The following MAL2 variants were observed in gnomAD, a reference collection of about 807,000 sequenced individuals.
MAL2 encodes the protein protein MAL2.
MAL2 carries 17 observed loss-of-function variants against 18.1 expected under a neutral mutation model. That is an observed-to-expected ratio of 0.94 (90% CI 0.64 to 1.41). MAL2 has a LOEUF of 1.41. MAL2 is among the 40% of genes most tolerant of loss of function. The pLI, the probability that MAL2 is intolerant of heterozygous loss-of-function variation, is 0.00. For missense variants in MAL2, 222 were observed against 231.9 expected, an observed-to-expected ratio of 0.96 and a Z score of 0.28; for synonymous variants, 102 against 102.3, an observed-to-expected ratio of 1.00 and a Z score of 0.02.
chr8:119,229,920 C>A (rs572433005), intron 2 of MAL2, among the ~76,000 whole-genome samples: 1 of 152,168 alleles, frequency 6.6e-6, no homozygotes, highest in Admixed American at 6.5e-5. Flanking sequence ...GCCTAGGCTA[C>A]CTGCTCTTGC....
Position 119,240,148 on chromosome 8 carries a change from T to C in MAL2, c.304-17T>C. 6.2e-7 allele frequency: 1 copy of C among 1,610,842 alleles called. No homozygotes were observed. Among genetic ancestry groups the C allele is most frequent in the African/African-American group, 1.3e-5 (1 of 74,922 alleles). On this transcript the variant is annotated splice_polypyrimidine_tract_variant and intron_variant, in intron 2 of 3. Transcript: ENST00000614891. The stretch of plus-strand genomic sequence containing the variant: ...TATTTTTTTTTAATTGCAGATGTCT[T>C]TTCTCTCCTCTTTTAGGATTTTGCC...
chr8:119,243,285 T>C lies in MAL2; in HGVS notation c.460-132T>C, dbSNP rs75670008. On this transcript the variant is annotated intron_variant, in intron 3 of 3. Transcript: ENST00000614891. ...AATCATCAAAAAAAAAAAAACAATG[T>C]AAAATATTTTTGTAAGTGTCGAAGT... 1.6e-3 allele frequency: 911 copies of C among 555,794 alleles called. 5 individuals are homozygous for C. The African/African-American group carries it at 0.017, about 10-fold the overall frequency. The allele number at this position is 555,794 out of a possible 1,614,324, so 34.4% of individuals were successfully genotyped here.
At chr8:119,240,840 T>G (rs1460594173) in intron 3 of MAL2, among the ~76,000 whole-genome samples, 1 of 152,218 alleles carries the variant, frequency 6.6e-6, no homozygotes, top group African/African-American at 2.4e-5. Context: ...GCCATTGCAG[T>G]AGATGATAGG....
At chr8:119,234,650 C>T (rs912796989) in intron 2 of MAL2, among the ~76,000 whole-genome samples, 1 of 151,810 alleles carries the variant, frequency 6.6e-6, no homozygotes, top group Non-Finnish European at 1.5e-5. Flanking sequence ...GGTCCCTGAC[C>T]CCTGACCCCG....
rs558447409 is a variant in MAL2, at chr8:119,220,652, T to G, written c.133-935T>G. Among the ~76,000 whole-genome samples, 6 of 152,298 alleles carry G rather than the reference T, an allele frequency of 3.9e-5. No individual in the cohort carries two copies. In the South Asian group the frequency reaches 1.2e-3, roughly 32 times the overall value. ...CCACCAGCACATGCCCCTCCTGTCT[T>G]GCTGAGCTTTGTTCTTCACCTATGC... On this transcript the variant is annotated intron_variant, in intron 1 of 3. Coordinates refer to ENST00000614891, the MANE Select transcript of MAL2 (RefSeq NM_052886.3).
intron 2 of MAL2, among the ~76,000 whole-genome samples, chr8:119,226,965 A>G (rs1486523565): frequency 6.6e-6 from 1 of 152,220 alleles, no homozygotes; most frequent in African/African-American, 2.4e-5. Flanking sequence ...CACATCCCAC[A>G]CCTGGCACAA....
chr8:119,229,958 C>T (rs891382703), intron 2 of MAL2, among the ~76,000 whole-genome samples: 13 of 152,176 alleles, frequency 8.5e-5, no homozygotes, highest in Non-Finnish European at 1.6e-4. Context: ...TGGTCTTGCT[C>T]AGGTCAATAT....
Position 119,240,335 on chromosome 8 carries a change from T to G in MAL2, c.459+15T>G. ...TAGCAGCCTCAGTAAGTATTCATAT[T>G]CAATGAGTACCATTCACCAGCACTT... On this transcript the variant is annotated intron_variant, in intron 3 of 3. Coordinates refer to ENST00000614891, the MANE Select transcript of MAL2 (RefSeq NM_052886.3). 6.2e-7 allele frequency: 1 copy of G among 1,611,772 alleles called. No homozygotes were observed. The highest frequency in any genetic ancestry group is 8.5e-7 in the Non-Finnish European group (1 of 1,178,440).
intron 2 of MAL2, among the ~76,000 whole-genome samples, chr8:119,226,504 G>C (rs966819475): frequency 1.8e-5 from 2 of 109,138 alleles, no homozygotes; most frequent in African/African-American, 3.6e-5. Context: ...ACTTGCGGGC[G>C]GGGGGTGGGG....
Position 119,208,502 on chromosome 8 carries a change from GC to G in MAL2, c.35del (p.Pro12ArgfsTer62). ...CGGCCGGCGGAGCGTCAGTCCCGCC[GC>G]CCCCGAACCCCGCCGTGTCCTTCCC... MSAGGASVPP[P>X]PNPAVSFPPP... On this transcript the variant is annotated frameshift_variant, in exon 1 of 4. Coordinates refer to ENST00000614891, the MANE Select transcript of MAL2 (RefSeq NM_052886.3). LOFTEE classifies it high-confidence loss of function. The surrounding 1 kb of genome is among the most constrained non-coding windows in gnomAD (Gnocchi z 4.3). 1.5e-6 allele frequency: 2 copies of G among 1,311,182 alleles called. No homozygotes were observed. Among genetic ancestry groups the G allele is most frequent in the Admixed American group, 3.3e-5 (1 of 29,880 alleles). The allele number at this position is 1,311,182 out of a possible 1,614,324, so 81.2% of individuals were successfully genotyped here. A position where few individuals can be genotyped will look rare whatever the true frequency, so the allele number is the denominator to read the frequency against.
chr8:119,240,853 G>A (rs143753014), intron 3 of MAL2, among the ~76,000 whole-genome samples: 6 of 152,258 alleles, frequency 3.9e-5, no homozygotes, highest in African/African-American at 1.4e-4. Flanking sequence ...ATGATAGGCA[G>A]ATGAAATATA....
intron 2 of MAL2, chr8:119,223,963 T>C (rs764709146): frequency 6.6e-6 from 1 of 152,200 alleles, no homozygotes; most frequent in Non-Finnish European, 1.5e-5. Context: ...ATTCTGGAAC[T>C]GTCAGACATT....
At chr8:119,218,962 A>G (rs1817410842) in intron 1 of MAL2, among the ~76,000 whole-genome samples, 1 of 152,228 alleles carries the variant, frequency 6.6e-6, no homozygotes, top group Non-Finnish European at 1.5e-5. Context: ...GAGAGTAAGA[A>G]AAGACTACCA....
chr8:119,213,617 A>G (rs13261795), intron 1 of MAL2, among the ~76,000 whole-genome samples: 45,178 of 151,876 alleles, frequency 0.3, 7,238 homozygotes, highest in East Asian at 0.6. Context: ...TCAGGAGTTC[A>G]AGACCAGCCT....
chr8:119,242,603 A>C (rs1895706), intron 3 of MAL2, among the ~76,000 whole-genome samples: 145,204 of 152,250 alleles, frequency 0.95, 69,328 homozygotes, highest in East Asian at 1. Flanking sequence ...ATCAGAGAAA[A>C]AATCAGCAGA....
intron 1 of MAL2, among the ~76,000 whole-genome samples, chr8:119,210,040 C>G (rs1414911641): frequency 6.6e-6 from 1 of 152,182 alleles, no homozygotes; most frequent in Non-Finnish European, 1.5e-5. Context: ...AGTTTTTTGC[C>G]TACCTCTTTG....
At position 119,237,477 on chromosome 8, in the gene MAL2, G is replaced by C. The variant is rs563631714; in HGVS notation, c.304-2688G>C. Among the ~76,000 whole-genome samples the C allele has an allele frequency of 3.7e-3, 552 of 150,200 alleles. 11 individuals are homozygous for C. The highest frequency in any genetic ancestry group is 7.2e-3 in the African/African-American group (286 of 39,678). Reference sequence around the variant, plus strand: ...TTCTGATACCAAAGCCGGGCAGAGAGACAACCAAAAAAGAGAATTTTAGAC... The same window carrying C: ...TTCTGATACCAAAGCCGGGCAGAGACACAACCAAAAAAGAGAATTTTAGAC... On this transcript the variant is annotated intron_variant, in intron 2 of 3. Coordinates refer to ENST00000614891, the MANE Select transcript of MAL2 (RefSeq NM_052886.3).
intron 3 of MAL2, 126 bp downstream of exon 3, chr8:119,240,446 G>A: frequency 1.0e-6 from 1 of 962,070 alleles, no homozygotes. Context: ...ATATGTAATA[G>A]CTATTTATCT....
At position 119,243,581 on chromosome 8, in the gene MAL2, C is replaced by A; in HGVS notation, c.*93C>A. The stretch of plus-strand genomic sequence containing the variant: ...ATACCATTTTGTCCAGATGCAAAAA[C>A]ATTCCAAAAGTAATGTGTTTAGTAG... On this transcript the variant is annotated 3_prime_UTR_variant, in exon 4 of 4. Transcript: ENST00000614891. 2 of 1,146,158 alleles carry A rather than the reference C, an allele frequency of 1.7e-6. No homozygotes were observed. Among genetic ancestry groups the A allele is most frequent in the Non-Finnish European group, 2.4e-6 (2 of 829,508 alleles). The allele number at this position is 1,146,158 out of a possible 1,614,324, so 71.0% of individuals were successfully genotyped here. A position where few individuals can be genotyped will look rare whatever the true frequency, so the allele number is the denominator to read the frequency against.
Sources: gnomAD v4.1 joint callset for allele counts (sites outside exome capture counted in the v4.1 genomes callset) on GRCh38, gnomAD v4.1.1 for gene constraint, Gnocchi (gnomAD v3.1) non-coding constraint, MANE v1.5 for transcripts, NCBI Gene and HGNC (gene_info 2026-07-23, HGNC 2026-07-21) for gene names.